Variants in ASIC2 observed in about 807,000 individuals in gnomAD.
ASIC2 encodes acid-sensing ion channel 2.
In ASIC2, 25 loss-of-function variants were observed where a neutral mutation model predicts 57.3. That is an observed-to-expected ratio of 0.44 (90% confidence interval 0.32 to 0.61). The LOEUF (loss-of-function observed/expected upper bound fraction) is 0.61. Among genes scored for constraint, ASIC2 ranks in the 20% least tolerant of loss-of-function variants. The pLI, the probability that ASIC2 is intolerant of heterozygous loss-of-function variation, is 0.06. For missense variants in ASIC2, 641 were observed against 738.1 expected (o/e 0.87, Z 1.52); for synonymous variants, 319 against 307.5 (o/e 1.04, Z -0.39).
intron 3 of ASIC2, among the ~76,000 whole-genome samples, chr17:33,054,259 G>C (rs2091989071): frequency 6.6e-6 from 1 of 152,108 alleles, no homozygotes; most frequent in African/African-American, 2.4e-5. Context: ...GGGGAGGTAG[G>C]TAGGTGACTG....
intron 1 of ASIC2, among the ~76,000 whole-genome samples, chr17:34,118,013 AG>A (rs779163071): frequency 2.9e-4 from 44 of 152,158 alleles, no homozygotes; most frequent in Non-Finnish European, 5.3e-4. Context: ...AATTCCTGTA[AG>A]GCTTCAAGGC....
At chr17:33,518,841 G>A (rs150808664) in intron 1 of ASIC2, among the ~76,000 whole-genome samples, 4 of 149,436 alleles carry the variant, frequency 2.7e-5, no homozygotes, top group African/African-American at 9.8e-5. Flanking sequence ...TTTTTTTTGA[G>A]ATGGAGTCTC....
intron 1 of ASIC2, among the ~76,000 whole-genome samples, chr17:33,504,969 GGCT>G (rs1455154570): frequency 3.3e-5 from 5 of 152,182 alleles, no homozygotes; most frequent in Admixed American, 2.0e-4. Flanking sequence ...TGAGATGGGT[GGCT>G]GCTGCTACAA....
At chr17:33,925,458 CT>C (rs1915804126) in intron 1 of ASIC2, among the ~76,000 whole-genome samples, 1 of 152,230 alleles carries the variant, frequency 6.6e-6, no homozygotes, top group Non-Finnish European at 1.5e-5. Context: ...TCTTCCAAGA[CT>C]GCAGAATGGG....
At chr17:33,112,296 A>T (rs960406063) in intron 1 of ASIC2, 2 of 545,074 alleles carry the variant, frequency 3.7e-6, no homozygotes, top group Admixed American at 3.5e-5. Context: ...GGTTTGTTGC[A>T]GTAGGATCTG....
At chr17:33,058,480 A>G (rs998220138) in intron 3 of ASIC2, among the ~76,000 whole-genome samples, 239 of 151,416 alleles carry the variant, frequency 1.6e-3, no homozygotes, top group African/African-American at 5.3e-3. Context: ...CAAAAAAAAA[A>G]AAAAAAAAAA....
At chr17:33,074,679 C>T (rs1442732982) in intron 3 of ASIC2, among the ~76,000 whole-genome samples, 6 of 152,168 alleles carry the variant, frequency 3.9e-5, no homozygotes, top group African/African-American at 1.4e-4. Flanking sequence ...GATTCCAATT[C>T]TAGGCTGTAT....
chr17:33,072,753 G>GACT (rs888985284), intron 3 of ASIC2, among the ~76,000 whole-genome samples: 2 of 152,188 alleles, frequency 1.3e-5, no homozygotes, highest in Non-Finnish European at 2.9e-5. Context: ...CTCTGTCCTA[G>GACT]ACTCTAGGGA....
intron 1 of ASIC2, among the ~76,000 whole-genome samples, chr17:33,765,778 T>G (rs767551647): frequency 6.6e-6 from 1 of 152,206 alleles, no homozygotes; most frequent in African/African-American, 2.4e-5. Context: ...TGGAGTCAGA[T>G]GGGGTTAGAG....
chr17:33,498,984 G>A (rs545304397), intron 1 of ASIC2, among the ~76,000 whole-genome samples: 1 of 152,354 alleles, frequency 6.6e-6, no homozygotes, highest in South Asian at 2.1e-4. Context: ...AAGACGAGGA[G>A]TTGGGGTGAT....
At chr17:33,630,611 T>C (rs1263806161) in intron 1 of ASIC2, among the ~76,000 whole-genome samples, 1 of 152,176 alleles carries the variant, frequency 6.6e-6, no homozygotes, top group East Asian at 1.9e-4. Context: ...GGGTTCCAAA[T>C]CCTAGCTCTG....
intron 1 of ASIC2, among the ~76,000 whole-genome samples, chr17:33,342,337 CGT>C (rs56349138): frequency 3.3e-5 from 5 of 150,392 alleles, no homozygotes; most frequent in Non-Finnish European, 5.9e-5. Context: ...TGTGTGTGTA[CGT>C]GTGTGTGTGT....
chr17:33,520,652 T>C (rs1914712398), intron 1 of ASIC2, among the ~76,000 whole-genome samples: 1 of 152,206 alleles, frequency 6.6e-6, no homozygotes, highest in Admixed American at 6.5e-5. Context: ...CTGATCCCCT[T>C]ACCCACGGAC....
intron 1 of ASIC2, among the ~76,000 whole-genome samples, chr17:33,970,481 C>A (rs1213960614): frequency 1.3e-5 from 2 of 152,310 alleles, no homozygotes; most frequent in African/African-American, 4.8e-5. Context: ...AAGCCCTGAT[C>A]TATGGGCAGA....
intron 1 of ASIC2, among the ~76,000 whole-genome samples, chr17:33,242,288 G>A (rs1205135954): frequency 6.7e-6 from 1 of 149,604 alleles, no homozygotes; most frequent in Non-Finnish European, 1.5e-5. Context: ...CTGCACTTCA[G>A]CCTGGGGACA....
At position 33,263,728 on chromosome 17, in the gene ASIC2, C is replaced by T. The variant is rs139518247; in HGVS notation, c.708+27680G>A. 4.8e-5 allele frequency among the ~76,000 whole-genome samples: 7 copies of T among 146,964 alleles called. No homozygotes were observed. The East Asian group carries it at 1.5e-3, about 31-fold the overall frequency. ...ACCCAGCCTAGGCGTGTCTGGGCTGCACAGATCTGGGCATATGAAAGGGGG... is the reference window on the plus strand; with the variant it reads ...ACCCAGCCTAGGCGTGTCTGGGCTGTACAGATCTGGGCATATGAAAGGGGG... On this transcript the variant is annotated intron_variant, in intron 1 of 9. Transcript: ENST00000225823.
At chr17:33,486,205 G>A (rs1356072800) in intron 1 of ASIC2, among the ~76,000 whole-genome samples, 1 of 152,216 alleles carries the variant, frequency 6.6e-6, no homozygotes, top group Non-Finnish European at 1.5e-5. Context: ...CCTGACTAGT[G>A]CTGACACCTA....
chr17:33,434,137 A>T (rs984490226), intron 1 of ASIC2, among the ~76,000 whole-genome samples: 4 of 151,882 alleles, frequency 2.6e-5, no homozygotes, highest in Non-Finnish European at 4.4e-5. Flanking sequence ...AATAAATAAT[A>T]AATAAATAAA....
rs372343579 is a variant in ASIC2 at position 33,792,966 on chromosome 17, A to T, written c.555+363012T>A. 5.3e-5 allele frequency: 8 copies of T among 152,344 alleles called. No individual in the cohort carries two copies. The South Asian group carries it at 8.3e-4, about 16-fold the overall frequency. 9.4% of individuals were successfully genotyped at this position (152,344 alleles called of 1,614,324 possible). ...CAAATGGCCAAGGGGATTAAGTGAG[A>T]TTCATTCATCCACTGCCCAGAACAG... On this transcript the variant is annotated intron_variant, in intron 1 of 9. Coordinates refer to the ASIC2 transcript ENST00000359872.
Sources: allele counts gnomAD v4.1 joint callset (sites outside exome capture counted in the v4.1 genomes callset), GRCh38; gene constraint gnomAD v4.1.1; transcripts MANE v1.5; gene names NCBI Gene and HGNC (gene_info 2026-07-23, HGNC 2026-07-21).